Variants in DGLUCY observed in about 807,000 individuals in gnomAD.
DGLUCY encodes D-glutamate cyclase, mitochondrial.
A neutral mutation model predicts 58.5 loss-of-function variants in DGLUCY; 58 were observed. The observed-to-expected ratio is 0.99, with a 90% CI of 0.80 to 1.23. The LOEUF (loss-of-function observed/expected upper bound fraction) is 1.23. Ranked by LOEUF, DGLUCY falls within the 50% of genes most tolerant of loss-of-function variation. The pLI, the probability that DGLUCY is intolerant of heterozygous loss-of-function variation, is 0.00. For synonymous variants in DGLUCY, 325 were observed against 314.1 expected (o/e 1.03, Z -0.37); for missense variants, 779 against 784.7 (o/e 0.99, Z 0.09).
chr14:91,213,637 C>T (rs759857560), intron 12 of DGLUCY, among the ~76,000 whole-genome samples: 15 of 151,998 alleles, frequency 9.9e-5, no homozygotes, highest in Middle Eastern at 3.2e-3. Context: ...TTACCTGCCA[C>T]GTTTTGATAT....
chr14:91,211,107 C>T (rs548302851), intron 12 of DGLUCY, among the ~76,000 whole-genome samples: 10 of 152,162 alleles, frequency 6.6e-5, no homozygotes, highest in African/African-American at 1.9e-4. Context: ...TACATTAATT[C>T]CCTAAAATGA....
intron 1 of DGLUCY, among the ~76,000 whole-genome samples, chr14:91,070,504 A>G (rs2043897011): frequency 6.6e-6 from 1 of 152,224 alleles, no homozygotes. Flanking sequence ...CAGAGAAATT[A>G]CAAAGTTATC....
intron 1 of DGLUCY, among the ~76,000 whole-genome samples, chr14:91,119,521 A>T (rs893442137): frequency 2.6e-5 from 4 of 151,564 alleles, no homozygotes; most frequent in Non-Finnish European, 5.9e-5. Flanking sequence ...TTTGCTAGAC[A>T]TTTTTTTTCC....
At chr14:91,166,349 A>T (rs2048280909) in intron 3 of DGLUCY, among the ~76,000 whole-genome samples, 1 of 151,772 alleles carries the variant, frequency 6.6e-6, no homozygotes, top group Non-Finnish European at 1.5e-5. Context: ...CACTTTTTTG[A>T]GTGTAGGTAA....
chr14:91,195,626 T>C (rs1429665489), intron 9 of DGLUCY, among the ~76,000 whole-genome samples: 2 of 151,944 alleles, frequency 1.3e-5, no homozygotes, highest in African/African-American at 4.8e-5. Context: ...AGCCTCAGTT[T>C]TCCTCATCTT....
intron 1 of DGLUCY, among the ~76,000 whole-genome samples, chr14:91,145,682 C>T (rs2046979034): frequency 6.6e-6 from 1 of 152,218 alleles, no homozygotes; most frequent in Non-Finnish European, 1.5e-5. Flanking sequence ...GCGCTTGCAA[C>T]ATACCCGGTG....
intron 1 of DGLUCY, among the ~76,000 whole-genome samples, chr14:91,129,637 G>A (rs944306042): frequency 2.0e-5 from 3 of 151,230 alleles, no homozygotes; most frequent in Non-Finnish European, 1.5e-5. Context: ...TCAACATGAT[G>A]TTTTTTGTTT....
chr14:91,098,956 G>A (rs1487611934), intron 1 of DGLUCY, among the ~76,000 whole-genome samples: 2 of 152,198 alleles, frequency 1.3e-5, no homozygotes, highest in Non-Finnish European at 2.9e-5. Flanking sequence ...AAAATTTAAT[G>A]CATGTAGGTC....
At chr14:91,186,421 A>G (rs1040083172) in intron 8 of DGLUCY, among the ~76,000 whole-genome samples, 63 of 151,816 alleles carry the variant, frequency 4.1e-4, no homozygotes, top group African/African-American at 1.4e-3. Context: ...TAATTTTTGT[A>G]TTTTTATTAG....
chr14:91,085,383 G>A (rs1170774207), intron 1 of DGLUCY, among the ~76,000 whole-genome samples: 2 of 151,882 alleles, frequency 1.3e-5, no homozygotes, highest in Non-Finnish European at 2.9e-5. Context: ...GCCCCTCCTG[G>A]GCTGTGCCAC....
rs148932665 is a variant in DGLUCY, at chr14:91,170,074, A to C, written c.329A>C (p.Tyr110Ser). The C allele has an allele frequency of 8.1e-6, 13 of 1,612,496 alleles. No homozygotes were observed. The highest frequency in any genetic ancestry group is 1.1e-5 in the Non-Finnish European group (13 of 1,179,982). The change falls in exon 5 of 14, where the codon TAC becomes TCC. Residue 110 changes from tyrosine to serine, a missense_variant. Transcript: ENST00000256324. ...CTGSLASLEQYSEQLKDMVAF... is the reference protein window; with the variant it reads ...CTGSLASLEQSSEQLKDMVAF... ...GGCAGCCTGGCTTCGCTGGAGCAGT[A>C]CTCGGAGCAGCTGAAGGACATGGTG...
upstream of DGLUCY, among the ~76,000 whole-genome samples, chr14:91,104,123 T>C (rs1446447938): frequency 1.0e-4 from 14 of 136,108 alleles, no homozygotes; most frequent in East Asian, 9.0e-4. Flanking sequence ...AGTGCAGTGG[T>C]GCGATCTCGG....
intron 1 of DGLUCY, among the ~76,000 whole-genome samples, chr14:91,122,602 G>GGTT (rs2045438247): frequency 9.5e-6 from 1 of 104,816 alleles, no homozygotes; most frequent in Non-Finnish European, 1.8e-5. Context: ...AAAGAAAAAA[G>GGTT]TTTTTTTTTT....
chr14:91,065,908 C>T lies in DGLUCY; in HGVS notation c.-82+5204C>T, dbSNP rs1343747817. On this transcript the variant is annotated intron_variant, in intron 1 of 4. Transcript: ENST00000521334. ...GACTATGGCCTGGAGGATGCAGCAG[C>T]TGGAAGTGAGGAAAAAGTCACTGCT... is the stretch of plus-strand genomic sequence containing the variant. Among the ~76,000 whole-genome samples the T allele has an allele frequency of 2.6e-5, 4 of 152,036 alleles. No individual in the cohort carries two copies. In the East Asian group the frequency reaches 7.7e-4, roughly 29 times the overall value.
intron 1 of DGLUCY, among the ~76,000 whole-genome samples, chr14:91,076,516 C>G (rs927465764): frequency 6.6e-6 from 1 of 151,976 alleles, no homozygotes; most frequent in Non-Finnish European, 1.5e-5. Flanking sequence ...ATGTAGAAGC[C>G]ATAGATAGGA....
chr14:91,108,526 T>TGTGTGTGGGAGAGAGAGAGAGA (rs1265665234), intron 1 of DGLUCY, among the ~76,000 whole-genome samples: 1 of 52,122 alleles, frequency 1.9e-5, no homozygotes, highest in African/African-American at 6.3e-5. Flanking sequence ...TGTGTGTGTG[T>TGTGTGTGGGAGAGAGAGAGAGA]GAGAGAGAGA....
At chr14:91,094,309 C>T (rs1187510434) in intron 1 of DGLUCY, among the ~76,000 whole-genome samples, 1 of 151,764 alleles carries the variant, frequency 6.6e-6, no homozygotes, top group Non-Finnish European at 1.5e-5. Context: ...GTGGCAGGTG[C>T]CTGTAATCCC....
At chr14:91,118,956 AC>A (rs1248754041) in intron 1 of DGLUCY, among the ~76,000 whole-genome samples, 2 of 152,144 alleles carry the variant, frequency 1.3e-5, no homozygotes, top group African/African-American at 4.8e-5. Flanking sequence ...TAAAAAGTCT[AC>A]CTAAAAAGTT....
intron 8 of DGLUCY, among the ~76,000 whole-genome samples, chr14:91,182,364 G>A (rs1458782514): frequency 2.6e-5 from 4 of 152,204 alleles, no homozygotes; most frequent in Admixed American, 1.3e-4. Context: ...CATGTTGCCA[G>A]CCAGAAGCAG....
Sources: allele counts gnomAD v4.1 joint callset (sites outside exome capture counted in the v4.1 genomes callset), GRCh38; gene constraint gnomAD v4.1.1; transcripts MANE v1.5; gene names NCBI Gene and HGNC (gene_info 2026-07-23, HGNC 2026-07-21).